Variants in DLGAP2 observed in about 807,000 individuals in gnomAD.
DLGAP2 encodes disks large-associated protein 2.
A neutral mutation model predicts 100.3 loss-of-function variants in DLGAP2; 26 were observed. The observed-to-expected ratio is 0.26, with a 90% CI of 0.19 to 0.36. DLGAP2 has a LOEUF of 0.36. DLGAP2 is among the 10% of genes least tolerant of loss of function. The pLI, the probability that DLGAP2 is intolerant of heterozygous loss-of-function variation, is 1.00. For missense variants in DLGAP2, 1,858 were observed against 1,453.2 expected (o/e 1.28, Z -4.53); for synonymous variants, 886 against 630.1 (o/e 1.41, Z -6.08).
chr8:1,023,725 A>C (rs1801694438), intron 2 of DLGAP2, among the ~76,000 whole-genome samples: 1 of 151,944 alleles, frequency 6.6e-6, no homozygotes, highest in Non-Finnish European at 1.5e-5. Flanking sequence ...TGCTTTCCTT[A>C]GAGTGCACCT....
chr8:1,190,771 G>A (rs781752801), intron 2 of DLGAP2, among the ~76,000 whole-genome samples: 6 of 152,160 alleles, frequency 3.9e-5, no homozygotes, highest in Non-Finnish European at 8.8e-5. Flanking sequence ...CATGACTAGA[G>A]CCCAGGTTCC....
intron 1 of DLGAP2, among the ~76,000 whole-genome samples, chr8:814,774 A>T (rs1796432606): frequency 1.4e-5 from 2 of 145,942 alleles, no homozygotes; most frequent in African/African-American, 5.1e-5. Context: ...GATGGTGTGA[A>T]CCTAGGAGGT....
intron 3 of DLGAP2, among the ~76,000 whole-genome samples, chr8:1,339,503 A>G (rs992336165): frequency 1.3e-5 from 2 of 152,204 alleles, no homozygotes; most frequent in Non-Finnish European, 1.5e-5. Context: ...CTGGAACCGC[A>G]GCACTGTCCC....
At chr8:1,449,476 G>A (rs1164595595) in intron 3 of DLGAP2, among the ~76,000 whole-genome samples, 1 of 152,184 alleles carries the variant, frequency 6.6e-6, no homozygotes. Context: ...GGACGGGACG[G>A]CACCAGCGGG....
chr8:1,624,857 C>CTCTG (rs1797450120), intron 6 of DLGAP2, among the ~76,000 whole-genome samples: 2 of 79,420 alleles, frequency 2.5e-5, no homozygotes, highest in African/African-American at 1.9e-4. Flanking sequence ...CTCTCTCTCT[C>CTCTG]TCTCTCTCTC....
intron 4 of DLGAP2, among the ~76,000 whole-genome samples, chr8:1,537,728 T>TGGATGGAAGGAA (rs1264371934): frequency 7.3e-6 from 1 of 136,564 alleles, no homozygotes; most frequent in Non-Finnish European, 1.6e-5. Flanking sequence ...GATGAAAGGA[T>TGGATGGAAGGAA]GGAAGGAAGG....
At chr8:1,030,076 A>G (rs776023209) in intron 2 of DLGAP2, among the ~76,000 whole-genome samples, 12 of 150,338 alleles carry the variant, frequency 8.0e-5, no homozygotes, top group Non-Finnish European at 1.2e-4. Context: ...GGATTAGACA[A>G]ATGTTAACTT....
At chr8:844,519 C>T (rs1052447215) in intron 1 of DLGAP2, among the ~76,000 whole-genome samples, 1 of 152,176 alleles carries the variant, frequency 6.6e-6, no homozygotes, top group Admixed American at 6.5e-5. Context: ...TCCAGCCATG[C>T]TGTCCTTCGT....
chr8:942,118 A>C (rs754946708), intron 2 of DLGAP2, among the ~76,000 whole-genome samples: 54 of 152,044 alleles, frequency 3.6e-4, no homozygotes, highest in Non-Finnish European at 4.4e-4. Flanking sequence ...CACTATGTCC[A>C]GCTAATATTT....
chr8:1,453,457 A>G (rs1798218946), intron 3 of DLGAP2, among the ~76,000 whole-genome samples: 1 of 152,214 alleles, frequency 6.6e-6, no homozygotes, highest in Non-Finnish European at 1.5e-5. Context: ...CATACCTAAC[A>G]GAGAGAACGG....
At chr8:1,085,384 T>C (rs191449092) in intron 2 of DLGAP2, among the ~76,000 whole-genome samples, 4 of 152,384 alleles carry the variant, frequency 2.6e-5, no homozygotes, top group Admixed American at 2.0e-4. Flanking sequence ...TCTCTGTCTA[T>C]GCTTTTGTTA....
rs1799055190 is a variant in DLGAP2, at chr8:1,684,265, C to T, written c.2704+5636C>T. Among the ~76,000 whole-genome samples, 6 of 151,954 alleles carry T rather than the reference C, an allele frequency of 3.9e-5. No individual in the cohort carries two copies. In the South Asian group the frequency reaches 1.2e-3, roughly 32 times the overall value. On this transcript the variant is annotated intron_variant, in intron 12 of 14. Transcript: ENST00000637795. ...ATTTCTTAAATTGCCCAGATACCTT[C>T]ATCTTTTTGTGGACAGATGTCAAAA...
intron 1 of DLGAP2, among the ~76,000 whole-genome samples, chr8:769,077 G>A (rs138839252): frequency 2.4e-4 from 36 of 152,240 alleles, no homozygotes; most frequent in African/African-American, 7.9e-4. Flanking sequence ...GTGTGGTCCC[G>A]CACAAGCAGG....
At chr8:839,365 CT>C (rs1198424611) in intron 1 of DLGAP2, among the ~76,000 whole-genome samples, 11 of 152,232 alleles carry the variant, frequency 7.2e-5, no homozygotes, top group Admixed American at 3.3e-4. Context: ...ATAAAATGTG[CT>C]GATATAGATG....
rs184940148 is a variant in DLGAP2, at chr8:1,695,866, A to C, written c.2797-1281A>C. ...CCAGGCACTTTAGTTATCCCCACCC[A>C]CAGAGGCTGAGTTCGGGCTCCCAGC... is the stretch of plus-strand genomic sequence containing the variant. On this transcript the variant is annotated intron_variant, in intron 13 of 14. Transcript: ENST00000637795. Among the ~76,000 whole-genome samples, 131 of 152,306 alleles carry C rather than the reference A, an allele frequency of 8.6e-4. 1 individual carries two copies. In the Middle Eastern group the frequency reaches 0.02, roughly 24 times the overall value.
chr8:1,176,411 C>T (rs529124134), intron 2 of DLGAP2, among the ~76,000 whole-genome samples: 10 of 98,888 alleles, frequency 1.0e-4, no homozygotes, highest in East Asian at 2.9e-4. Flanking sequence ...CTGTGAGCTC[C>T]GTTAGATCTA....
At chr8:1,614,273 G>C (rs1333226137) in intron 6 of DLGAP2, among the ~76,000 whole-genome samples, 1 of 152,254 alleles carries the variant, frequency 6.6e-6, no homozygotes, top group African/African-American at 2.4e-5. Context: ...AGCATTTGCA[G>C]TCAGGCAAGA....
chr8:1,269,283 G>A (rs1799531273), intron 3 of DLGAP2, among the ~76,000 whole-genome samples: 1 of 152,174 alleles, frequency 6.6e-6, no homozygotes. Context: ...AGGAGCCAGA[G>A]GGTGTTCCAG....
chr8:1,552,707 A>G (rs1435763315), intron 5 of DLGAP2, among the ~76,000 whole-genome samples: 2 of 152,224 alleles, frequency 1.3e-5, no homozygotes, highest in African/African-American at 4.8e-5. Flanking sequence ...GAAGAGAGAA[A>G]TAAATGTTTA....
Sources: allele counts gnomAD v4.1 joint callset (sites outside exome capture counted in the v4.1 genomes callset), GRCh38; gene constraint gnomAD v4.1.1; transcripts MANE v1.5; gene names NCBI Gene and HGNC (gene_info 2026-07-23, HGNC 2026-07-21).